The following CFAP44 variants were observed in gnomAD, a reference collection of about 807,000 sequenced individuals.
The protein encoded by CFAP44 is cilia- and flagella-associated protein 44.
CFAP44 carries 134 observed loss-of-function variants against 216.2 expected under a neutral mutation model. That is an observed-to-expected ratio of 0.62 (90% CI 0.54 to 0.72). The LOEUF (loss-of-function observed/expected upper bound fraction) is 0.72, where lower values mean the gene tolerates loss of function less well. Ranked by LOEUF, CFAP44 falls within the 30% of genes least tolerant of loss-of-function variation. The pLI is 0.00. For missense variants in CFAP44, 2,035 were observed against 2,182.1 expected (o/e 0.93, Z 1.34); for synonymous variants, 700 against 727.6 (o/e 0.96, Z 0.61).
chr3:113,329,452 A>C (rs551243070), intron 26 of CFAP44, among the ~76,000 whole-genome samples: 1 of 152,328 alleles, frequency 6.6e-6, no homozygotes, highest in African/African-American at 2.4e-5. Context: ...ACAGTGAGAA[A>C]ACAGGGCTGG....
intron 6 of CFAP44, among the ~76,000 whole-genome samples, chr3:113,414,585 G>A (rs1934588718): frequency 6.6e-6 from 1 of 152,098 alleles, no homozygotes; most frequent in South Asian, 2.1e-4. Context: ...GTTAAATTTT[G>A]TTGAAGGCCT....
At chr3:113,414,818 T>C (rs1470029065) in intron 6 of CFAP44, among the ~76,000 whole-genome samples, 1 of 152,182 alleles carries the variant, frequency 6.6e-6, no homozygotes, top group Non-Finnish European at 1.5e-5. Context: ...GGCCTGAGGT[T>C]TTCTTTTTTT....
At chr3:113,324,171 C>T (rs1415041305) in intron 28 of CFAP44, among the ~76,000 whole-genome samples, 1 of 152,006 alleles carries the variant, frequency 6.6e-6, no homozygotes, top group African/African-American at 2.4e-5. Context: ...CTGGTGAATT[C>T]TACTAAGTGT....
Position 113,291,283 on chromosome 3 carries a change from C to G in CFAP44, c.*274G>C, listed in dbSNP as rs1949826394. The stretch of plus-strand genomic sequence containing the variant: ...TATATTACAGGTGATTTGCTGCAAT[C>G]ATGAAACACAGCCTTCCGAGACTTC... On this transcript the variant is annotated 3_prime_UTR_variant, in exon 35 of 35. Transcript: ENST00000393845. 6.9e-6 allele frequency: 2 copies of G among 289,958 alleles called. No homozygotes were observed. The highest frequency in any genetic ancestry group is 4.2e-5 in the African/African-American group (2 of 47,204). The allele number at this position is 289,958 out of a possible 1,614,324, so 18.0% of individuals were successfully genotyped here. A position where few individuals can be genotyped will look rare whatever the true frequency, so the allele number is the denominator to read the frequency against.
At chr3:113,307,400 G>A (rs925215922) in intron 29 of CFAP44, among the ~76,000 whole-genome samples, 3 of 152,102 alleles carry the variant, frequency 2.0e-5, no homozygotes, top group African/African-American at 7.2e-5. Context: ...ATCACCCAGA[G>A]AGCCCCCAAA....
chr3:113,398,267 C>T (rs1175217175), intron 13 of CFAP44, among the ~76,000 whole-genome samples: 2 of 152,074 alleles, frequency 1.3e-5, no homozygotes, highest in Non-Finnish European at 2.9e-5. Flanking sequence ...AAGAGATATA[C>T]ACACAAGCAC....
intron 17 of CFAP44, among the ~76,000 whole-genome samples, chr3:113,376,411 T>A (rs975812816): frequency 1.3e-5 from 2 of 152,188 alleles, no homozygotes; most frequent in Non-Finnish European, 2.9e-5. Flanking sequence ...ATAAGTGATA[T>A]TTAAAGCCAT....
At chr3:113,293,988 C>A (rs1384200521) in intron 34 of CFAP44, 1 of 456,550 alleles carries the variant, frequency 2.2e-6, no homozygotes, top group African/African-American at 2.0e-5. Context: ...TGATGCTCTT[C>A]TTCAGAGGAC....
In CFAP44 at chr3:113,366,075, T is replaced by G. The variant is rs35480872; in HGVS notation, c.2679A>C (p.Leu893=). Residue 893 remains leucine (L), a synonymous_variant, in exon 19 of 35, where the codon CTA becomes CTC. Transcript: ENST00000393845. ...FVFNIFSEFM[L]RKDMKAKVPS... ...GAACTTTGGCCTTCATGTCTTTCCTTAGCATAAATTCAGAAAAAATGTTGA... is the reference window on the plus strand; with the variant it reads ...GAACTTTGGCCTTCATGTCTTTCCTGAGCATAAATTCAGAAAAAATGTTGA... The G allele has an allele frequency of 3.7e-6, 6 of 1,613,748 alleles. No individual in the cohort carries two copies. The highest frequency in any genetic ancestry group is 5.1e-6 in the Non-Finnish European group (6 of 1,179,778).
intron 30 of CFAP44, 95 bp from the exon 31 acceptor site, chr3:113,305,247 T>C (rs1009932276): frequency 2.8e-6 from 3 of 1,063,868 alleles, no homozygotes; most frequent in Non-Finnish European, 4.1e-6. Context: ...AAGTAAAGCA[T>C]GAGCAGAATC....
chr3:113,401,165 A>G (rs1934130427), intron 11 of CFAP44, 75 bp downstream of exon 11: 3 of 1,357,028 alleles, frequency 2.2e-6, no homozygotes, highest in Non-Finnish European at 2.0e-6. Flanking sequence ...AGAAAGATAA[A>G]GAATACTTTA....
At chr3:113,353,044 G>A (rs1180778265) in intron 22 of CFAP44, among the ~76,000 whole-genome samples, 1 of 152,172 alleles carries the variant, frequency 6.6e-6, no homozygotes, top group Admixed American at 6.5e-5. Context: ...TAATAACAAG[G>A]ACGGTAGGGA....
At chr3:113,421,038 C>G (rs992810837) in intron 4 of CFAP44, among the ~76,000 whole-genome samples, 1 of 152,028 alleles carries the variant, frequency 6.6e-6, no homozygotes, top group Non-Finnish European at 1.5e-5. Context: ...GCAAAATAAA[C>G]CATCAACAGA....
intron 24 of CFAP44, among the ~76,000 whole-genome samples, chr3:113,336,521 G>C (rs1217255460): frequency 6.6e-6 from 1 of 151,954 alleles, no homozygotes; most frequent in Admixed American, 6.6e-5. Flanking sequence ...AGAAGAAATA[G>C]AACATCTGGA....
rs58221881 is a variant in CFAP44 at position 113,433,429 on chromosome 3, C to CAAAAA, written c.100+131_100+135dup. On this transcript the variant is annotated intron_variant, in intron 2 of 34. Transcript: ENST00000393845. ...GGGCAACAAGAGCAAAACTCCATCT[C>CAAAAA]AAAAAAAAAAAAAAAAAAAAAAAAA... 2.4e-4 allele frequency: 31 copies of CAAAAA among 127,788 alleles called. 1 individual carries two copies. Among genetic ancestry groups the CAAAAA allele is most frequent in the African/African-American group, 9.9e-4 (13 of 13,100 alleles). 7.9% of individuals were successfully genotyped at this position (127,788 alleles called of 1,614,324 possible). A position where few individuals can be genotyped will look rare whatever the true frequency, so the allele number is the denominator to read the frequency against.
At chr3:113,431,401 A>G (rs1935102406) in intron 2 of CFAP44, among the ~76,000 whole-genome samples, 1 of 152,216 alleles carries the variant, frequency 6.6e-6, no homozygotes, top group South Asian at 2.1e-4. Flanking sequence ...AAGGGTCATT[A>G]TCATTAAATC....
chr3:113,409,394 AAG>A (rs2107373106), intron 6 of CFAP44, 72 bp from the exon 7 acceptor site: 1 of 1,399,330 alleles, frequency 7.1e-7, no homozygotes, highest in East Asian at 2.3e-5. Flanking sequence ...TTGTAAAAAA[AAG>A]AGAGGGAGTC....
chr3:113,425,449 C>T (rs957505952), intron 4 of CFAP44, among the ~76,000 whole-genome samples: 5 of 152,170 alleles, frequency 3.3e-5, no homozygotes, highest in African/African-American at 1.2e-4. Flanking sequence ...TGTCAATCAT[C>T]CTGTTTCTAC....
chr3:113,313,314 T>A (rs1392100467), intron 28 of CFAP44, among the ~76,000 whole-genome samples: 1 of 152,106 alleles, frequency 6.6e-6, no homozygotes, highest in Non-Finnish European at 1.5e-5. Context: ...ATTTATCCCA[T>A]TTGCAATGGC....
Sources: gnomAD v4.1 joint callset for allele counts (sites outside exome capture counted in the v4.1 genomes callset) on GRCh38, gnomAD v4.1.1 for gene constraint, MANE v1.5 for transcripts, NCBI Gene and HGNC (gene_info 2026-07-23, HGNC 2026-07-21) for gene names.